The following DCTN3 variants were observed in gnomAD, a reference collection of about 807,000 sequenced individuals.
The protein encoded by DCTN3 is dynactin 3 (p22).
A neutral mutation model predicts 28.4 loss-of-function variants in DCTN3; 25 were observed. The observed-to-expected ratio is 0.88, with a 90% CI of 0.64 to 1.23. The LOEUF is 1.23. Ranked by LOEUF, DCTN3 falls within the 50% of genes most tolerant of loss-of-function variation. DCTN3 has a pLI of 0.00. For synonymous variants in DCTN3, 81 were observed against 91.4 expected (o/e 0.89, Z 0.65); for missense variants, 229 against 232.0 (o/e 0.99, Z 0.08).
chr9:34,613,819 AG>A lies in DCTN3; in HGVS notation c.523del (p.Leu175Ter). 1 of 1,614,142 alleles carries A rather than the reference AG, an allele frequency of 6.2e-7. No individual in the cohort carries two copies. ...TGGCTTCACTTGCGTGGCGGCCTCT[AG>A]CTGGCAAAGTAGCTCATCCCACTGC... The part of the protein sequence containing the change: ...FVQWDELLCQ[L>X]EAATQVKPAE... On this transcript the variant is annotated frameshift_variant, in exon 7 of 7. Transcript: ENST00000259632. LOFTEE classifies it high-confidence loss of function.
chr9:34,616,600 G>A lies in DCTN3; in HGVS notation c.269-487C>T, dbSNP rs558395726. The stretch of plus-strand genomic sequence containing the variant: ...CAGTAATGGAAGAGTCCAGTGAGGA[G>A]AGCAGGATCTGGGCTAGGCCCTGTA... On this transcript the variant is annotated intron_variant, in intron 3 of 6. Transcript: ENST00000259632. This position sits in a 1 kb window ranked among gnomAD's most constrained non-coding sequence, Gnocchi z 4.7. The A allele has an allele frequency of 6.4e-6, 1 of 155,526 alleles. No individual in the cohort carries two copies. Among genetic ancestry groups the A allele is most frequent in the East Asian group, 1.9e-4 (1 of 5,246 alleles). The allele number at this position is 155,526 out of a possible 1,614,324, so 9.6% of individuals were successfully genotyped here.
chr9:34,619,811 C>A (rs1167874026), intron 1 of DCTN3, among the ~76,000 whole-genome samples: 1 of 152,164 alleles, frequency 6.6e-6, no homozygotes, highest in Non-Finnish European at 1.5e-5. Flanking sequence ...GAGGAGAGGG[C>A]ACCTGAGCTT....
intron 4 of DCTN3, chr9:34,615,051 AC>A: frequency 2.3e-6 from 1 of 431,270 alleles, no homozygotes; most frequent in Non-Finnish European, 4.2e-6. Context: ...TATAAGCAGG[AC>A]CAGGTAAAGA....
At position 34,614,775 on chromosome 9, in the gene DCTN3, AAC is replaced by A; in HGVS notation, c.353-9_353-8del. The stretch of plus-strand genomic sequence containing the variant: ...GCAGCATGCTCAGGAACGGCTGTAA[AAC>A]ACAACACACACTGCTGGATGATGCT... On this transcript the variant is annotated splice_polypyrimidine_tract_variant and splice_region_variant and intron_variant, in intron 4 of 6. Transcript: ENST00000259632. 2.5e-6 allele frequency: 4 copies of A among 1,613,962 alleles called. No individual in the cohort carries two copies. The highest frequency in any genetic ancestry group is 2.2e-5 in the South Asian group (2 of 91,082).
At chr9:34,617,764 C>A in intron 3 of DCTN3, 121 bp downstream of exon 3, 12 of 1,535,588 alleles carry the variant, frequency 7.8e-6, no homozygotes, top group Non-Finnish European at 1.1e-5. Flanking sequence ...GGCCACAATT[C>A]CAGAGAGCAG....
In DCTN3 at chr9:34,616,037, G is replaced by A. The variant is rs774038865; in HGVS notation, c.345C>T (p.His115=). Residue 115 remains histidine (H), a synonymous_variant, in exon 4 of 7, where the codon CAC becomes CAT. Coordinates refer to ENST00000259632, the MANE Select transcript of DCTN3 (RefSeq NM_007234.5). The surrounding 1 kb of genome is among the most constrained non-coding windows in gnomAD (Gnocchi z 4.7). The part of the protein sequence containing the change: ...NALVPMLDSA[H]IKAVPEHAAR... ...ATAACCCCAGAGAGATACCTTTGAT[G>A]TGAGCACTGTCCAGCATGGGCACCA... The A allele has an allele frequency of 1.2e-6, 2 of 1,613,848 alleles. No homozygotes were observed. The highest frequency in any genetic ancestry group is 2.2e-5 in the South Asian group (2 of 91,070).
intron 2 of DCTN3, 56 bp downstream of exon 2, chr9:34,618,620 C>G: frequency 2.9e-6 from 4 of 1,393,290 alleles, no homozygotes; most frequent in Non-Finnish European, 4.1e-6. Context: ...GGGCCAGGTA[C>G]CAGGAAGCTG....
At chr9:34,614,931 GC>G in intron 4 of DCTN3, 163 bp from the exon 5 acceptor site, 3 of 751,502 alleles carry the variant, frequency 4.0e-6, no homozygotes, top group Non-Finnish European at 6.6e-6. Context: ...GGGGCTCCCT[GC>G]CCACTCCAGT....
chr9:34,615,677 C>T (rs752457243), intron 4 of DCTN3: 50 of 175,606 alleles, frequency 2.8e-4, no homozygotes, highest in Middle Eastern at 2.4e-3. Context: ...TCTGAGAGGC[C>T]GAGGCAGGTG....
chr9:34,620,271 TGC>T, intron 1 of DCTN3, 96 bp downstream of exon 1: 1 of 1,046,268 alleles, frequency 9.6e-7, no homozygotes, highest in East Asian at 2.4e-5. Context: ...AAGGCCGGGC[TGC>T]GGAGAACAGG....
At chr9:34,617,622 C>A in intron 3 of DCTN3, 1 of 1,388,510 alleles carries the variant, frequency 7.2e-7, no homozygotes, top group Non-Finnish European at 9.6e-7. Context: ...GAAGGAAAAT[C>A]CAAGAGGCAA....
In DCTN3 at chr9:34,616,145, G is replaced by T; in HGVS notation, c.269-32C>A. 1 of 1,578,290 alleles carries T rather than the reference G, an allele frequency of 6.3e-7. No individual in the cohort carries two copies. The highest frequency in any genetic ancestry group is 8.7e-7 in the Non-Finnish European group (1 of 1,148,098). On this transcript the variant is annotated intron_variant, in intron 3 of 6. Transcript: ENST00000259632. The surrounding 1 kb of genome is among the most constrained non-coding windows in gnomAD (Gnocchi z 4.7). ...CAAAAATGGACAAGATAGTTGCAGT[G>T]AAGCAAACCTGGGCATTGCTAATCA...
Position 34,617,880 on chromosome 9 carries a change from A to G in DCTN3, c.268+5T>C, listed in dbSNP as rs1170497778. 2 of 1,613,794 alleles carry G rather than the reference A, an allele frequency of 1.2e-6. No individual in the cohort carries two copies. Among genetic ancestry groups the G allele is most frequent in the South Asian group, 2.2e-5 (2 of 91,078 alleles). On this transcript the variant is annotated splice_donor_5th_base_variant and intron_variant, in intron 3 of 6. Transcript: ENST00000259632. ...GATGCATGTACACATGTAGTCCAGC[A>G]TTACCTGCTAGGATGAATTGCAGCT...
At chr9:34,614,879 A>G in intron 4 of DCTN3, 111 bp from the exon 5 acceptor site, 1 of 1,334,022 alleles carries the variant, frequency 7.5e-7, no homozygotes, top group Non-Finnish European at 1.0e-6. Context: ...GAAGCTAAAC[A>G]AACGCCAGAC....
chr9:34,614,164 C>T (rs969628996), intron 5 of DCTN3, 63 bp from the exon 6 acceptor site: 1 of 1,613,672 alleles, frequency 6.2e-7, no homozygotes, highest in African/African-American at 1.3e-5. Context: ...CACTAAACTT[C>T]CTGCCTCATC....
chr9:34,616,099 G>A lies in DCTN3; in HGVS notation c.283C>T (p.Leu95Phe). 6.2e-7 allele frequency: 1 copy of A among 1,614,034 alleles called. No individual in the cohort carries two copies. The highest frequency in any genetic ancestry group is 8.5e-7 in the Non-Finnish European group (1 of 1,179,924). ...QFILAEEQFI[L>F]SQVALLEQVN... ...TGCTCCAGGAGTGCAACCTGGGAAA[G>A]GATAAACTGCTCCTCTAAAGCAAAA... The change falls in exon 4 of 7, where the codon CTT (leucine) becomes TTT (phenylalanine). Residue 95 changes from leucine (L) to phenylalanine (F), a missense_variant. By Grantham distance (22) the Leu-to-Phe change is conservative. Transcript: ENST00000259632. The surrounding 1 kb of genome is among the most constrained non-coding windows in gnomAD (Gnocchi z 4.7).
Position 34,614,739 on chromosome 9 carries a change from G to A in DCTN3, c.382C>T (p.Arg128Cys), listed in dbSNP as rs571645079. The change falls in exon 5 of 7, where the codon CGC becomes TGC. Residue 128 changes from arginine (R) to cysteine (C), a missense_variant. Physicochemically the swap from Arg to Cys is radical, Grantham distance 180. Coordinates refer to ENST00000259632, the MANE Select transcript of DCTN3 (RefSeq NM_007234.5). Reference protein sequence around the residue: ...AVPEHAARLQRLAQIHIQQQD... With the variant: ...AVPEHAARLQCLAQIHIQQQD... The stretch of plus-strand genomic sequence containing the variant: ...TGCTGAATGTGGATCTGGGCCAAGC[G>A]CTGCAGGCGGGCAGCATGCTCAGGA... 2.2e-5 allele frequency: 35 copies of A among 1,614,008 alleles called. No individual in the cohort carries two copies. The highest frequency in any genetic ancestry group is 1.3e-4 in the South Asian group (12 of 91,084).
rs558504728 is a variant in DCTN3 at position 34,615,889 on chromosome 9, C to T, written c.352+141G>A. On this transcript the variant is annotated intron_variant, in intron 4 of 6. Transcript: ENST00000259632. ...GCACTCCAGCCTGGGTGACAGAGTACGACTCTGTCCAAAAAAAAAAAAAAA... is the reference window on the plus strand; with the variant it reads ...GCACTCCAGCCTGGGTGACAGAGTATGACTCTGTCCAAAAAAAAAAAAAAA... 2,163 of 571,578 alleles carry T rather than the reference C, an allele frequency of 3.8e-3. 16 individuals are homozygous for T. Among genetic ancestry groups the T allele is most frequent in the Middle Eastern group, 0.015 (55 of 3,664 alleles). The allele number at this position is 571,578 out of a possible 1,614,324, so 35.4% of individuals were successfully genotyped here.
In DCTN3 at chr9:34,620,453, C is replaced by A; in HGVS notation, c.12G>T (p.Leu4=). 8 of 1,551,830 alleles carry A rather than the reference C, an allele frequency of 5.2e-6. No homozygotes were observed. Among genetic ancestry groups the A allele is most frequent in the Non-Finnish European group, 7.0e-6 (8 of 1,148,290 alleles). The part of the protein sequence containing the change: MAG[L]TDLQRLQARV... ...GGGCCTGTAGCCGCTGCAAGTCAGT[C>A]AGACCCGCCATCGCTACTACCGACC... Residue 4 remains leucine, a synonymous_variant, in exon 1 of 7, where the codon CTG becomes CTT. Transcript: ENST00000259632.
Sources: gnomAD v4.1 joint callset for allele counts (sites outside exome capture counted in the v4.1 genomes callset) on GRCh38, gnomAD v4.1.1 for gene constraint, Gnocchi (gnomAD v3.1) non-coding constraint, MANE v1.5 for transcripts, NCBI Gene and HGNC (gene_info 2026-07-23, HGNC 2026-07-21) for gene names.